Variants in CAPRIN2 observed in about 807,000 individuals in gnomAD.
CAPRIN2 encodes caprin family member 2.
A neutral mutation model predicts 130.4 loss-of-function variants in CAPRIN2; 66 were observed. The ratio of observed to expected loss-of-function variants is 0.51; its 90% CI spans 0.42 to 0.62. CAPRIN2 has a LOEUF of 0.62. Ranked by LOEUF, CAPRIN2 falls within the 20% of genes least tolerant of loss-of-function variation. The probability of loss-of-function intolerance (pLI) is 0.00; values close to 1 mark genes in which losing one functional copy is unlikely to be tolerated. For synonymous variants in CAPRIN2, 471 were observed against 444.1 expected, an observed-to-expected ratio of 1.06 and a Z score of -0.76; for missense variants, 1,185 against 1,246.6, an observed-to-expected ratio of 0.95 and a Z score of 0.74.
At chr12:30,734,876 ACACACACACACTCT>A (rs2064007790) in intron 4 of CAPRIN2, 78 bp downstream of exon 5, 3 of 766,768 alleles carry the variant, frequency 3.9e-6, no homozygotes, top group Admixed American at 1.9e-5. Context: ...ACACACACAC[ACACACACACACTCT>A]CTCTCTCACA....
At chr12:30,720,470 G>A (rs1377344806) in intron 12 of CAPRIN2, 1 of 168,148 alleles carries the variant, frequency 5.9e-6, no homozygotes, top group Non-Finnish European at 1.3e-5. Flanking sequence ...TAAAGTTATT[G>A]AGCTTTCATT....
chr12:30,716,119 CT>C (rs1276491615), intron 13 of CAPRIN2: 1 of 189,544 alleles, frequency 5.3e-6, no homozygotes, highest in Non-Finnish European at 1.1e-5. Flanking sequence ...TATCTTCAAT[CT>C]TTTATTATAA....
intron 1 of CAPRIN2, 179 bp from the exon 3 acceptor site, chr12:30,751,312 A>T: frequency 1.7e-6 from 1 of 588,676 alleles, no homozygotes; most frequent in Non-Finnish European, 3.0e-6. Context: ...AGGGGAGAAA[A>T]AATACACAGA....
chr12:30,715,008 A>G (rs2056967847), exon 14 of CAPRIN2: 1 of 1,614,066 alleles, frequency 6.2e-7, no homozygotes, highest in Non-Finnish European at 8.5e-7. Context: ...ATCTCCCACC[A>G]CGAGTACATC....
exon 4 of CAPRIN2, chr12:30,735,038 G>T: frequency 6.2e-7 from 1 of 1,614,082 alleles, no homozygotes; most frequent in Non-Finnish European, 8.5e-7. Flanking sequence ...TCTTTTGAAG[G>T]CAAATACACT....
chr12:30,751,954 C>T (rs998972169), intron 1 of CAPRIN2, among the ~76,000 whole-genome samples: 10 of 134,244 alleles, frequency 7.4e-5, no homozygotes, highest in Non-Finnish European at 1.4e-4. Flanking sequence ...AATTTCACTC[C>T]GTTGCCCAGG....
chr12:30,748,369 A>T (rs1380313476), intron 2 of CAPRIN2, among the ~76,000 whole-genome samples: 1 of 152,242 alleles, frequency 6.6e-6, no homozygotes, highest in African/African-American at 2.4e-5. Flanking sequence ...CACTGAGGCA[A>T]CACCCTCCTC....
chr12:30,733,692 G>T, exon 5 of CAPRIN2: 1 of 1,613,344 alleles, frequency 6.2e-7, no homozygotes, highest in Non-Finnish European at 8.5e-7. Context: ...AAGGATGACT[G>T]CTCCATCTGG....
intron 10 of CAPRIN2, 116 bp from the exon 12 acceptor site, chr12:30,723,430 G>C: frequency 1.5e-6 from 1 of 680,162 alleles, no homozygotes; most frequent in Non-Finnish European, 2.6e-6. Flanking sequence ...GAAGGACTAC[G>C]TCTCAAGTTC....
chr12:30,746,520 T>C (rs2070498881), intron 2 of CAPRIN2, among the ~76,000 whole-genome samples: 1 of 152,154 alleles, frequency 6.6e-6, no homozygotes, highest in Non-Finnish European at 1.5e-5. Context: ...AAGTAAAAAA[T>C]GTATTTCTCT....
intron 9 of CAPRIN2, 137 bp downstream of exon 10, chr12:30,725,829 A>T: frequency 1.7e-6 from 1 of 603,998 alleles, no homozygotes; most frequent in African/African-American, 1.9e-5. Flanking sequence ...TAATTTGCCT[A>T]AACTCCAGGC....
intron 2 of CAPRIN2, among the ~76,000 whole-genome samples, chr12:30,748,426 G>A (rs1443095203): frequency 6.6e-6 from 1 of 152,176 alleles, no homozygotes; most frequent in Non-Finnish European, 1.5e-5. Flanking sequence ...ATGACTATTA[G>A]CATTTTTTAG....
At chr12:30,731,026 A>G (rs985558084) in intron 6 of CAPRIN2, among the ~76,000 whole-genome samples, 1 of 152,208 alleles carries the variant, frequency 6.6e-6, no homozygotes, top group Non-Finnish European at 1.5e-5. Context: ...CTTCCACTGT[A>G]AACAATTTTA....
At position 30,716,667 on chromosome 12, in the gene CAPRIN2, C is replaced by T. The variant is rs1031788472; in HGVS notation, c.2158G>A (p.Val720Ile). The T allele has an allele frequency of 2.5e-5, 41 of 1,613,444 alleles. No individual in the cohort carries two copies. In the African/African-American group the frequency reaches 2.7e-4, roughly 11 times the overall value. Residue 720 changes from valine (V) to isoleucine (I), a missense_variant, in exon 13 of 17, where the codon GTT (valine) becomes ATT (isoleucine). Around this residue, in one of 2 missense-constraint regions of CAPRIN2, gnomAD observed 1,104 missense variants for 1,104.3 expected, o/e 1.00. Coordinates refer to ENST00000298892, the Ensembl canonical transcript of CAPRIN2. ...TTTCGTGGAGGCAGAGGTGCATTAA[C>T]GTTAAATACCTTAAAAGACAAGGAC... is the stretch of plus-strand genomic sequence containing the variant.
chr12:30,730,249 T>G, exon 7 of CAPRIN2: 2 of 1,611,508 alleles, frequency 1.2e-6, no homozygotes, highest in South Asian at 2.2e-5. Flanking sequence ...CTCTTGTGGT[T>G]GTATCTCTGG....
intron 2 of CAPRIN2, among the ~76,000 whole-genome samples, chr12:30,741,691 C>A (rs979399246): frequency 1.3e-5 from 2 of 151,916 alleles, no homozygotes; most frequent in Non-Finnish European, 2.9e-5. Context: ...CAAATCTATA[C>A]GGAAGAGAAA....
Position 30,710,276 on chromosome 12 carries a change from T to C in CAPRIN2, c.2860A>G (p.Arg954Gly). The change falls in exon 17 of 17, where the codon AGA (arginine) becomes GGA (glycine). Residue 954 changes from arginine (R) to glycine (G), a missense_variant. By Grantham distance (125) the Arg-to-Gly change is moderately radical. This residue lies in a region of CAPRIN2 where 1,104 missense variants were observed against 1,104.3 expected (regional missense o/e 1.00). Coordinates refer to ENST00000298892, the Ensembl canonical transcript of CAPRIN2. The surrounding 1 kb of genome is among the most constrained non-coding windows in gnomAD (Gnocchi z 4.8). The stretch of plus-strand genomic sequence containing the variant: ...GTTCCAGGGGCCAGATTAGAGGTTC[T>C]GGCTGCTGAGAAGGCAACTCGCATC... 1 of 1,614,220 alleles carries C rather than the reference T, an allele frequency of 6.2e-7. No homozygotes were observed. The highest frequency in any genetic ancestry group is 8.5e-7 in the Non-Finnish European group (1 of 1,180,040).
chr12:30,746,521 G>A (rs1016533189), intron 2 of CAPRIN2, among the ~76,000 whole-genome samples: 1 of 152,234 alleles, frequency 6.6e-6, no homozygotes, highest in Non-Finnish European at 1.5e-5. Flanking sequence ...AGTAAAAAAT[G>A]TATTTCTCTG....
rs537854604 is a variant in CAPRIN2 at position 30,713,979 on chromosome 12, T to C, written c.2501-94A>G. The C allele has an allele frequency of 2.8e-4, 186 of 656,190 alleles. 2 individuals are homozygous for C. In the Middle Eastern group the frequency reaches 5.5e-3, roughly 19 times the overall value. The allele number at this position is 656,190 out of a possible 1,614,324, so 40.6% of individuals were successfully genotyped here. On this transcript the variant is annotated intron_variant, in intron 14 of 16. Transcript: ENST00000298892. ...TATATTGCTTTAAAAGTTAAATTGA[T>C]TATATAATGCCATCATTAGACTTAT...
Sources: allele counts gnomAD v4.1 joint callset (sites outside exome capture counted in the v4.1 genomes callset), GRCh38; gene constraint gnomAD v4.1.1; regional missense constraint gnomAD v4.1.1; non-coding constraint Gnocchi (gnomAD v3.1); transcripts MANE v1.5; gene names NCBI Gene and HGNC (gene_info 2026-07-23, HGNC 2026-07-21).